SAMD12: variants seen among roughly 807,000 people sequenced by gnomAD.
SAMD12 encodes sterile alpha motif domain-containing protein 12.
A neutral mutation model predicts 15.0 loss-of-function variants in SAMD12; 9 were observed. The ratio of observed to expected loss-of-function variants is 0.60; its 90% CI spans 0.36 to 1.05. The LOEUF (loss-of-function observed/expected upper bound fraction) is 1.05, where lower values mean the gene tolerates loss of function less well. SAMD12 is among the 50% of genes least tolerant of loss of function. The probability of loss-of-function intolerance (pLI) is 0.01; values close to 1 mark genes in which losing one functional copy is unlikely to be tolerated. For missense variants in SAMD12, 230 were observed against 234.2 expected (o/e 0.98, Z 0.12); for synonymous variants, 86 against 90.1 (o/e 0.96, Z 0.25).
At chr8:118,154,994 C>T in the SAMD12 span, among the ~76,000 whole-genome samples, 1 of 152,140 alleles carries the variant, frequency 6.6e-6, no homozygotes, top group African/African-American at 2.4e-5. Flanking sequence ...ATGATGGTGA[C>T]ATTCCCTTGG....
intron 4 of SAMD12, among the ~76,000 whole-genome samples, chr8:118,235,840 G>A (rs1332942682): frequency 6.6e-6 from 1 of 152,096 alleles, no homozygotes; most frequent in African/African-American, 2.4e-5. Flanking sequence ...AGAATGTGTG[G>A]AGCTTTCTGT....
chr8:118,522,194 ACACATACACACACACACACACG>A (rs1299729797), intron 2 of SAMD12, among the ~76,000 whole-genome samples: 3 of 82,744 alleles, frequency 3.6e-5, no homozygotes, highest in Non-Finnish European at 7.1e-5. Flanking sequence ...ACACACACAC[ACACATACACACACACACACACG>A]ATAAAAAGAG....
At chr8:118,451,508 A>C (rs1016518762) in intron 2 of SAMD12, among the ~76,000 whole-genome samples, 12 of 152,226 alleles carry the variant, frequency 7.9e-5, no homozygotes, top group Non-Finnish European at 1.6e-4. Context: ...TTAAAGTGAG[A>C]AAATACCTAC....
intron 4 of SAMD12, among the ~76,000 whole-genome samples, chr8:118,248,810 A>G (rs779482417): frequency 2.8e-4 from 42 of 152,288 alleles, no homozygotes; most frequent in Admixed American, 6.5e-4. Flanking sequence ...TCTAAAACAA[A>G]TGCAGTGTAA....
At chr8:118,361,729 AG>A (rs1400559610) in intron 4 of SAMD12, among the ~76,000 whole-genome samples, 1 of 151,918 alleles carries the variant, frequency 6.6e-6, no homozygotes, top group Non-Finnish European at 1.5e-5. Context: ...GCACCTAGAT[AG>A]CATCTACACA....
chr8:118,511,392 A>G (rs1164473359), intron 2 of SAMD12, among the ~76,000 whole-genome samples: 2 of 152,078 alleles, frequency 1.3e-5, no homozygotes, highest in African/African-American at 2.4e-5. Flanking sequence ...TTTAGGCAAC[A>G]TATTATGCCT....
chr8:118,616,099 A>T lies in SAMD12; in HGVS notation c.13+5705T>A, dbSNP rs368577071. On this transcript the variant is annotated intron_variant, in intron 1 of 3. Transcript: ENST00000314727. ...GAGAACATAATAAAAATAAGAAAAA[A>T]AGATCCTCAGGAATAAGTGAATGGG... Among the ~76,000 whole-genome samples the T allele has an allele frequency of 7.0e-4, 107 of 152,364 alleles. 1 individual carries two copies. The highest frequency in any genetic ancestry group is 2.3e-3 in the African/African-American group (96 of 41,590).
chr8:118,590,250 C>T (rs772224512), intron 1 of SAMD12, among the ~76,000 whole-genome samples: 82 of 152,180 alleles, frequency 5.4e-4, no homozygotes, highest in Non-Finnish European at 1.0e-3. Context: ...GTGACCCAAC[C>T]ACCACATCAG....
intron 1 of SAMD12, among the ~76,000 whole-genome samples, chr8:118,610,749 T>A (rs532047893): frequency 6.6e-6 from 1 of 152,348 alleles, no homozygotes; most frequent in South Asian, 2.1e-4. Flanking sequence ...CAGAGATTAC[T>A]GTCTTTAGCC....
intron 4 of SAMD12, among the ~76,000 whole-genome samples, chr8:118,280,899 G>T (rs1239028717): frequency 6.6e-6 from 1 of 152,178 alleles, no homozygotes; most frequent in African/African-American, 2.4e-5. Flanking sequence ...CAGTTTAAGT[G>T]ACCAGAGTGT....
At chr8:118,447,682 ATTTT>A (rs995529163) in intron 2 of SAMD12, among the ~76,000 whole-genome samples, 30 of 144,010 alleles carry the variant, frequency 2.1e-4, no homozygotes, top group African/African-American at 7.0e-4. Flanking sequence ...CTTTCATTTT[ATTTT>A]TTTATTTTTT....
chr8:118,344,601 CAGA>C lies in SAMD12; in HGVS notation c.433+34956_433+34958del, dbSNP rs149393377. 4.2e-3 allele frequency among the ~76,000 whole-genome samples: 646 copies of C among 152,270 alleles called. 4 individuals are homozygous for C. The highest frequency in any genetic ancestry group is 0.015 in the African/African-American group (619 of 41,548). On this transcript the variant is annotated intron_variant, in intron 4 of 4. Coordinates refer to the SAMD12 transcript ENST00000409003. ...TTCATCACTCTGGAAATGGAAACAA[CAGA>C]AGAAGAGTTCCCAGCTCTCATGTAG...
At chr8:118,536,443 A>G (rs55959446) in intron 2 of SAMD12, among the ~76,000 whole-genome samples, 47,547 of 140,812 alleles carry the variant, frequency 0.34, 8,142 homozygotes, top group Admixed American at 0.42. Context: ...CTGATACACA[A>G]ACACACACAC....
chr8:118,509,862 T>C (rs749809661), intron 2 of SAMD12, among the ~76,000 whole-genome samples: 10 of 152,230 alleles, frequency 6.6e-5, no homozygotes, highest in Non-Finnish European at 1.3e-4. Context: ...TAAAGCATGA[T>C]TGTACTCTAA....
intron 1 of SAMD12, among the ~76,000 whole-genome samples, chr8:118,604,317 G>A (rs562876377): frequency 6.6e-6 from 1 of 152,182 alleles, no homozygotes; most frequent in Non-Finnish European, 1.5e-5. Context: ...TATATATAAC[G>A]TTTGTATATA....
At chr8:118,434,628 T>C (rs1822519776) in intron 3 of SAMD12, among the ~76,000 whole-genome samples, 1 of 152,192 alleles carries the variant, frequency 6.6e-6, no homozygotes, top group Non-Finnish European at 1.5e-5. Context: ...CCTGTGAGCT[T>C]ACACCTGGCC....
At chr8:118,442,756 CTGAA>C (rs1822799345) in intron 2 of SAMD12, among the ~76,000 whole-genome samples, 5 of 152,176 alleles carry the variant, frequency 3.3e-5, no homozygotes, top group African/African-American at 1.2e-4. Flanking sequence ...CATCATTACC[CTGAA>C]ACTCTTGCAA....
chr8:118,299,440 C>T (rs1407855728), intron 4 of SAMD12, among the ~76,000 whole-genome samples: 1 of 152,152 alleles, frequency 6.6e-6, no homozygotes, highest in Non-Finnish European at 1.5e-5. Flanking sequence ...ACGTGGGTCT[C>T]TACACGTCCA....
At chr8:118,618,855 A>G (rs1048589627) in intron 1 of SAMD12, among the ~76,000 whole-genome samples, 1 of 151,546 alleles carries the variant, frequency 6.6e-6, no homozygotes, top group South Asian at 2.1e-4. Context: ...AAAAAAAAAA[A>G]TCCTCACAAT....
Sources: gnomAD v4.1 joint callset for allele counts (sites outside exome capture counted in the v4.1 genomes callset) on GRCh38, gnomAD v4.1.1 for gene constraint, MANE v1.5 for transcripts, NCBI Gene and HGNC (gene_info 2026-07-23, HGNC 2026-07-21) for gene names.